The following DACH2 variants were observed in gnomAD, a reference collection of about 807,000 sequenced individuals.
DACH2 encodes the protein dachshund homolog 2.
DACH2 carries 17 observed loss-of-function variants against 35.8 expected under a neutral mutation model. That is an observed-to-expected ratio of 0.48 (90% CI 0.33 to 0.71). DACH2 has a LOEUF of 0.71. Ranked by LOEUF, DACH2 falls within the 30% of genes least tolerant of loss-of-function variation. The probability of loss-of-function intolerance (pLI) is 0.02; values close to 1 mark genes in which losing one functional copy is unlikely to be tolerated. For missense variants in DACH2, 469 were observed against 472.7 expected, an observed-to-expected ratio of 0.99 and a Z score of 0.07; for synonymous variants, 195 against 177.3, an observed-to-expected ratio of 1.10 and a Z score of -0.79.
chrX:86,577,407 C>T (rs1468496255), intron 3 of DACH2, among the ~76,000 whole-genome samples: 2 of 111,098 alleles, frequency 1.8e-5, no homozygotes, highest in Non-Finnish European at 3.8e-5. Flanking sequence ...TAAATTTTAA[C>T]ATTTAAAATT....
chrX:86,739,104 C>T (rs2041627018), intron 6 of DACH2, among the ~76,000 whole-genome samples: 1 of 111,284 alleles, frequency 9.0e-6, no homozygotes, highest in African/African-American at 3.3e-5. Flanking sequence ...GAACTCCTGA[C>T]CTCAGGTGAT....
intron 2 of DACH2, among the ~76,000 whole-genome samples, chrX:86,457,677 G>A (rs1238351990): frequency 8.9e-6 from 1 of 112,321 alleles, no homozygotes; most frequent in Non-Finnish European, 1.9e-5. Context: ...TATGAAATAA[G>A]TACTATGAAG....
In DACH2 at chrX:86,564,519, G is replaced by A. The variant is rs144357492; in HGVS notation, c.640+50128G>A. 4.3e-3 allele frequency among the ~76,000 whole-genome samples: 478 copies of A among 111,405 alleles called. 5 individuals are homozygous for A. The highest frequency in any genetic ancestry group is 0.014 in the African/African-American group (421 of 30,790). On this transcript the variant is annotated intron_variant, in intron 3 of 11. Coordinates refer to ENST00000373125, the MANE Select transcript of DACH2 (RefSeq NM_053281.3). ...TTAATTAACAGCTTATTCCCCATTT[G>A]ATAAAAGTAATCCACTTTAATTCCA...
At position 86,502,003 on chromosome X, in the gene DACH2, T is replaced by TTTTCCTTCC. The variant is rs1231468028; in HGVS notation, c.528-12274_528-12273insTCCTTCCTT. On this transcript the variant is annotated intron_variant, in intron 2 of 11. Coordinates refer to ENST00000373125, the MANE Select transcript of DACH2 (RefSeq NM_053281.3). ...GGCAAAACATTTTGAATAATCCTTC[T>TTTTCCTTCC]TTCCTTCTTTCCTTCCTTCCTTCCT... is the stretch of plus-strand genomic sequence containing the variant. Among the ~76,000 whole-genome samples the TTTTCCTTCC allele has an allele frequency of 1.7e-3, 142 of 84,715 alleles. 1 individual carries two copies. The highest frequency in any genetic ancestry group is 0.011 in the Middle Eastern group (2 of 174). 73.6% of individuals were successfully genotyped at this position (84,715 alleles called of 115,157 possible). A position where few individuals can be genotyped will look rare whatever the true frequency, so the allele number is the denominator to read the frequency against.
intron 2 of DACH2, among the ~76,000 whole-genome samples, chrX:86,441,147 A>C (rs1353225310): frequency 9.0e-6 from 1 of 111,596 alleles, no homozygotes; most frequent in African/African-American, 3.3e-5. Flanking sequence ...TAGTAATCAC[A>C]TCAGGGTAAA....
At chrX:86,280,466 A>G (rs1219050662) in intron 1 of DACH2, among the ~76,000 whole-genome samples, 1 of 112,258 alleles carries the variant, frequency 8.9e-6, no homozygotes, top group Non-Finnish European at 1.9e-5. Context: ...CTAAACATGG[A>G]AAGGAGAAAC....
chrX:86,465,250 A>C (rs1029056696), intron 2 of DACH2, among the ~76,000 whole-genome samples: 5 of 112,352 alleles, frequency 4.5e-5, no homozygotes, highest in Non-Finnish European at 9.4e-5. Context: ...TGTCCAAAAA[A>C]CAGACGAGTT....
chrX:86,699,445 G>A (rs945094725), intron 5 of DACH2, among the ~76,000 whole-genome samples: 10 of 111,355 alleles, frequency 9.0e-5, no homozygotes, highest in Non-Finnish European at 1.5e-4. Flanking sequence ...CTTACATGGC[G>A]GTGGCAAGAG....
chrX:86,718,434 G>C (rs910940250), intron 6 of DACH2, among the ~76,000 whole-genome samples: 2 of 111,328 alleles, frequency 1.8e-5, no homozygotes, highest in African/African-American at 6.5e-5. Flanking sequence ...TAGGTTGCCT[G>C]TTCAATCTTG....
chrX:86,527,471 TC>T (rs2038650743), intron 3 of DACH2, among the ~76,000 whole-genome samples: 1 of 112,558 alleles, frequency 8.9e-6, no homozygotes, highest in African/African-American at 3.2e-5. Context: ...TTGTCTGACT[TC>T]TTTCCTTTAG....
chrX:86,651,440 C>T (rs1479204042), intron 4 of DACH2, among the ~76,000 whole-genome samples: 2 of 108,314 alleles, frequency 1.8e-5, no homozygotes, highest in African/African-American at 6.6e-5. Flanking sequence ...ATTGTGCTCT[C>T]TGCCTGACAA....
At chrX:86,216,072 T>G (rs750296301) in intron 1 of DACH2, among the ~76,000 whole-genome samples, 2 of 112,169 alleles carry the variant, frequency 1.8e-5, no homozygotes, top group African/African-American at 6.5e-5. Flanking sequence ...AAGATGATTT[T>G]TTGTGCATGA....
chrX:86,293,894 T>C (rs1357396982), intron 1 of DACH2, among the ~76,000 whole-genome samples: 1 of 110,936 alleles, frequency 9.0e-6, no homozygotes, highest in South Asian at 3.9e-4. Context: ...ATCTGACAAT[T>C]ATGTGTCTTG....
At chrX:86,443,268 C>T (rs1385139153) in intron 2 of DACH2, among the ~76,000 whole-genome samples, 1 of 111,264 alleles carries the variant, frequency 9.0e-6, no homozygotes, top group Non-Finnish European at 1.9e-5. Flanking sequence ...GTGTAGAGAC[C>T]TTTATCCCCA....
intron 7 of DACH2, among the ~76,000 whole-genome samples, chrX:86,788,471 A>G (rs909251543): frequency 1.8e-5 from 2 of 111,700 alleles, no homozygotes; most frequent in Admixed American, 1.9e-4. Context: ...TTGAGACCCC[A>G]TGTATGCAAT....
intron 4 of DACH2, among the ~76,000 whole-genome samples, chrX:86,682,829 T>C (rs779026406): frequency 8.9e-6 from 1 of 111,998 alleles, no homozygotes; most frequent in South Asian, 3.7e-4. Context: ...CATTTTCTTC[T>C]ACTTTTATTT....
chrX:86,626,696 C>T (rs2040142259), intron 3 of DACH2, among the ~76,000 whole-genome samples: 1 of 113,245 alleles, frequency 8.8e-6, no homozygotes, highest in Non-Finnish European at 1.9e-5. Flanking sequence ...AGAGGCTTAA[C>T]ATCATGTGGA....
chrX:86,556,910 G>A (rs1239042582), intron 3 of DACH2, among the ~76,000 whole-genome samples: 1 of 105,475 alleles, frequency 9.5e-6, no homozygotes, highest in Non-Finnish European at 1.9e-5. Context: ...GCAAGCTAGA[G>A]AACTAGGAAA....
chrX:86,753,356 A>T (rs2041794747), intron 7 of DACH2, among the ~76,000 whole-genome samples: 1 of 112,010 alleles, frequency 8.9e-6, no homozygotes, highest in African/African-American at 3.2e-5. Context: ...AAAAAGAATA[A>T]AAAAGTATTT....
Sources: allele counts gnomAD v4.1 joint callset (sites outside exome capture counted in the v4.1 genomes callset), GRCh38; gene constraint gnomAD v4.1.1; transcripts MANE v1.5; gene names NCBI Gene and HGNC (gene_info 2026-07-23, HGNC 2026-07-21).